Variants in MYO18B observed in about 807,000 individuals in gnomAD.
MYO18B encodes the protein unconventional myosin-XVIIIb.
MYO18B carries 204 observed loss-of-function variants against 273.0 expected under a neutral mutation model. The ratio of observed to expected loss-of-function variants is 0.75; its 90% CI spans 0.67 to 0.84. The LOEUF (loss-of-function observed/expected upper bound fraction) is 0.84. Ranked by LOEUF, MYO18B falls within the 40% of genes least tolerant of loss-of-function variation. The probability of loss-of-function intolerance (pLI) is 0.00; values close to 1 mark genes in which losing one functional copy is unlikely to be tolerated. For missense variants in MYO18B, 3,212 were observed against 3,287.6 expected (o/e 0.98, Z 0.56); for synonymous variants, 1,330 against 1,305.7 (o/e 1.02, Z -0.40).
intron 27 of MYO18B, among the ~76,000 whole-genome samples, chr22:25,893,595 T>C (rs1450087524): frequency 1.3e-5 from 2 of 152,202 alleles, no homozygotes; most frequent in African/African-American, 2.4e-5. Flanking sequence ...AGGCTTTTCC[T>C]GGTGGAGAGA....
chr22:25,994,791 G>A (rs556611758), intron 40 of MYO18B, among the ~76,000 whole-genome samples: 2 of 152,288 alleles, frequency 1.3e-5, no homozygotes, highest in Non-Finnish European at 2.9e-5. Context: ...TGCTTGGGCT[G>A]GCTTCTCCAT....
At chr22:25,845,300 C>T (rs1399682696) in intron 18 of MYO18B, among the ~76,000 whole-genome samples, 1 of 152,184 alleles carries the variant, frequency 6.6e-6, no homozygotes, top group Non-Finnish European at 1.5e-5. Context: ...GGGCAGATCA[C>T]GAGGTCAAGA....
rs1467753433 is a variant in MYO18B, at chr22:25,761,104, A to G, written c.12A>G (p.Ser4=). ...GGCACTGCCTCAGCATGGCCATCTC[A>G]TCACGCCTCGCCCTGTGGGAGCAGA... is the stretch of plus-strand genomic sequence containing the variant. The part of the protein sequence containing the change: MAI[S]SRLALWEQKI... The change falls in exon 2 of 44, where the codon TCA becomes TCG. Residue 4 remains serine, a synonymous_variant. Transcript: ENST00000335473. 6.2e-7 allele frequency: 1 copy of G among 1,613,042 alleles called. No homozygotes were observed. The highest frequency in any genetic ancestry group is 1.7e-5 in the Admixed American group (1 of 59,978).
intron 12 of MYO18B, among the ~76,000 whole-genome samples, chr22:25,816,681 G>A (rs192652384): frequency 4.3e-4 from 65 of 152,234 alleles, no homozygotes; most frequent in African/African-American, 1.4e-3. Flanking sequence ...AATTCTGTTC[G>A]TCATTCCCAT....
At chr22:25,817,279 T>G (rs1356858213) in intron 12 of MYO18B, among the ~76,000 whole-genome samples, 1 of 151,682 alleles carries the variant, frequency 6.6e-6, no homozygotes, top group Non-Finnish European at 1.5e-5. Flanking sequence ...CTTCTCTTTG[T>G]CTCTCTTTCT....
intron 25 of MYO18B, among the ~76,000 whole-genome samples, chr22:25,879,980 A>G (rs966401355): frequency 6.6e-6 from 1 of 152,172 alleles, no homozygotes; most frequent in Non-Finnish European, 1.5e-5. Context: ...TGATCCAGTC[A>G]TCTCCCACCA....
the MYO18B span, among the ~76,000 whole-genome samples, chr22:26,055,293 A>G: frequency 2.0e-5 from 3 of 152,152 alleles, no homozygotes. Flanking sequence ...TTGGGGAGAA[A>G]CTATCATCTA....
At chr22:25,773,248 T>G (rs1474832769) in intron 7 of MYO18B, among the ~76,000 whole-genome samples, 1 of 152,020 alleles carries the variant, frequency 6.6e-6, no homozygotes, top group Non-Finnish European at 1.5e-5. Context: ...ACAAAGAACA[T>G]CAGGGAAGGT....
chr22:25,840,059 A>G (rs1338873154), intron 17 of MYO18B, among the ~76,000 whole-genome samples: 1 of 152,006 alleles, frequency 6.6e-6, no homozygotes, highest in Non-Finnish European at 1.5e-5. Flanking sequence ...ACCCCATCAC[A>G]ACTCCCTGTT....
intron 29 of MYO18B, 48 bp from the exon 30 acceptor site, chr22:25,902,565 C>G: frequency 6.3e-7 from 1 of 1,576,228 alleles, no homozygotes; most frequent in Non-Finnish European, 8.6e-7. Context: ...CAATCACTCC[C>G]CTGCCCACCT....
intron 34 of MYO18B, among the ~76,000 whole-genome samples, chr22:25,932,980 C>T (rs2092528693): frequency 1.3e-5 from 2 of 152,094 alleles, no homozygotes; most frequent in Admixed American, 1.3e-4. Context: ...GCCAATTACC[C>T]CCCAGTGTCC....
intron 39 of MYO18B, among the ~76,000 whole-genome samples, chr22:25,965,664 A>G (rs1051428910): frequency 6.6e-6 from 1 of 152,240 alleles, no homozygotes; most frequent in African/African-American, 2.4e-5. Context: ...TACCTTCAAA[A>G]GCATAGTTAG....
At chr22:25,960,631 A>G (rs2146678151) in intron 39 of MYO18B, among the ~76,000 whole-genome samples, 1 of 152,310 alleles carries the variant, frequency 6.6e-6, no homozygotes, top group South Asian at 2.1e-4. Context: ...TCTCGCTCAC[A>G]TAGCTTAATG....
chr22:25,967,178 T>A (rs1344748484), intron 39 of MYO18B, among the ~76,000 whole-genome samples: 2 of 152,218 alleles, frequency 1.3e-5, no homozygotes, highest in Non-Finnish European at 1.5e-5. Flanking sequence ...TGCTGGAAAT[T>A]AGAGTAACTT....
chr22:25,796,947 A>G (rs1259504928), intron 11 of MYO18B, among the ~76,000 whole-genome samples: 1 of 152,056 alleles, frequency 6.6e-6, no homozygotes, highest in Non-Finnish European at 1.5e-5. Context: ...AACTGCTTCC[A>G]GACGGCGTGG....
At chr22:26,040,525 G>A in the MYO18B span, among the ~76,000 whole-genome samples, 2 of 152,320 alleles carry the variant, frequency 1.3e-5, no homozygotes, top group Non-Finnish European at 2.9e-5. Flanking sequence ...ATATTAGGAC[G>A]CTGAAAGCCT....
chr22:26,004,689 G>A, intron 41 of MYO18B, 29 bp from the exon 42 acceptor site: 1 of 1,612,156 alleles, frequency 6.2e-7, no homozygotes, highest in South Asian at 1.1e-5. Context: ...TTGTCATTGT[G>A]CTGATGGTGT....
Position 25,846,146 on chromosome 22 carries a change from G to C in MYO18B, c.3415G>C (p.Val1139Leu). ...LFQARAKLPP[V>L]CRAVAGLEGT... ...CCAGGCCCGGGCCAAGCTGCCTCCTGTGTGCCGGGCTGTGGCAGGCCTGGA... is the reference window on the plus strand; with the variant it reads ...CCAGGCCCGGGCCAAGCTGCCTCCTCTGTGCCGGGCTGTGGCAGGCCTGGA... Residue 1139 changes from valine to leucine, a missense_variant, in exon 19 of 44, where the codon GTG becomes CTG. Transcript: ENST00000335473. The C allele has an allele frequency of 6.2e-7, 1 of 1,604,656 alleles. No individual in the cohort carries two copies. Among genetic ancestry groups the C allele is most frequent in the Non-Finnish European group, 8.5e-7 (1 of 1,176,772 alleles).
the MYO18B span, among the ~76,000 whole-genome samples, chr22:26,047,606 T>C: frequency 6.6e-6 from 1 of 152,090 alleles, no homozygotes; most frequent in Non-Finnish European, 1.5e-5. Context: ...CTACTGAAAG[T>C]TTCAAGTGAC....
Sources: allele counts gnomAD v4.1 joint callset (sites outside exome capture counted in the v4.1 genomes callset), GRCh38; gene constraint gnomAD v4.1.1; transcripts MANE v1.5; gene names NCBI Gene and HGNC (gene_info 2026-07-23, HGNC 2026-07-21).